Variants in LARGE1 observed in about 807,000 individuals in gnomAD.
LARGE1 encodes xylosyl- and glucuronyltransferase LARGE1.
Under a neutral mutation model 87.6 loss-of-function variants are expected in LARGE1, and 43 were observed. The observed-to-expected ratio is 0.49, with a 90% CI of 0.38 to 0.63. The LOEUF is 0.63. Among genes scored for constraint, LARGE1 ranks in the 30% least tolerant of loss-of-function variants. The pLI is 0.00. For synonymous variants in LARGE1, 434 were observed against 394.6 expected, an observed-to-expected ratio of 1.10 and a Z score of -1.18; for missense variants, 802 against 1,000.2, an observed-to-expected ratio of 0.80 and a Z score of 2.67.
the LARGE1 span, among the ~76,000 whole-genome samples, chr22:33,130,523 A>T: frequency 6.6e-6 from 1 of 151,796 alleles, no homozygotes; most frequent in African/African-American, 2.4e-5. Flanking sequence ...TTCTAAGTCC[A>T]CTTGCTAAGA....
At chr22:33,631,722 A>G (rs547909715) in intron 3 of LARGE1, among the ~76,000 whole-genome samples, 16 of 152,392 alleles carry the variant, frequency 1.0e-4, no homozygotes, top group Admixed American at 5.2e-4. Context: ...AAATAATGAT[A>G]GTATGATAAA....
chr22:33,625,848 C>A (rs1265755553), intron 4 of LARGE1, among the ~76,000 whole-genome samples: 1 of 152,130 alleles, frequency 6.6e-6, no homozygotes, highest in African/African-American at 2.4e-5. Context: ...CAGTCATATT[C>A]TCAGGTACCA....
intron 3 of LARGE1, among the ~76,000 whole-genome samples, chr22:33,631,249 C>A (rs1602840706): frequency 6.6e-6 from 1 of 152,024 alleles, no homozygotes; most frequent in South Asian, 2.1e-4. Context: ...AACACGACAG[C>A]CTCGAAGTCC....
At chr22:33,111,029 C>T in the LARGE1 span, among the ~76,000 whole-genome samples, 3 of 152,102 alleles carry the variant, frequency 2.0e-5, no homozygotes, top group Non-Finnish European at 4.4e-5. Context: ...TTAAAGAATG[C>T]CAAACTGGGT....
chr22:33,524,863 C>T (rs2148529624), intron 6 of LARGE1, among the ~76,000 whole-genome samples: 1 of 152,190 alleles, frequency 6.6e-6, no homozygotes, highest in East Asian at 1.9e-4. Flanking sequence ...TCCTTTCTGT[C>T]CCATGTTTAT....
the LARGE1 span, chr22:33,105,501 A>C: frequency 6.6e-6 from 1 of 152,184 alleles, no homozygotes; most frequent in Admixed American, 6.5e-5. Flanking sequence ...GAATTTCTAC[A>C]GTAGCTGAAA....
intron 6 of LARGE1, among the ~76,000 whole-genome samples, chr22:33,486,291 C>G (rs1019758495): frequency 6.6e-6 from 1 of 152,224 alleles, no homozygotes; most frequent in African/African-American, 2.4e-5. Flanking sequence ...ACAGAGAAGA[C>G]AGCATGAAGT....
At chr22:33,175,787 A>C (rs1602047785) in intron 11 of LARGE1, among the ~76,000 whole-genome samples, 2 of 152,362 alleles carry the variant, frequency 1.3e-5, no homozygotes, top group East Asian at 1.9e-4. Flanking sequence ...CTTTTTTCAC[A>C]GAATTGGAAA....
At chr22:33,145,952 A>C in the LARGE1 span, among the ~76,000 whole-genome samples, 64,084 of 151,944 alleles carry the variant, frequency 0.42, 13,970 homozygotes, top group South Asian at 0.68. Context: ...ACCTCACAAT[A>C]AAACAGGGAG....
In LARGE1 at chr22:33,432,141, A is replaced by G. The variant is rs949485265; in HGVS notation, c.892+20T>C. On this transcript the variant is annotated intron_variant, in intron 7 of 14. Transcript: ENST00000397394. ...CATATCACCTTCTGCAACTCTTCCC[A>G]TACCACCCTGAGGATTTACCTGTGT... 1 of 1,595,200 alleles carries G rather than the reference A, an allele frequency of 6.3e-7. No individual in the cohort carries two copies. The highest frequency in any genetic ancestry group is 2.2e-5 in the East Asian group (1 of 44,754).
intron 1 of LARGE1, among the ~76,000 whole-genome samples, chr22:33,906,062 G>A (rs972214442): frequency 4.6e-5 from 7 of 152,150 alleles, no homozygotes; most frequent in South Asian, 2.1e-4. Context: ...CCTGGGAGGC[G>A]GAGGTTGCAG....
At position 33,698,312 on chromosome 22, in the gene LARGE1, G is replaced by C. The variant is rs897698076; in HGVS notation, c.107-47644C>G. On this transcript the variant is annotated intron_variant, in intron 2 of 14. Transcript: ENST00000397394. ...TGGTCTTGAACTCCTAGCCTCAAGC[G>C]ATCTGCCCGCCTTAGCCTCACTCAG... Among the ~76,000 whole-genome samples the C allele has an allele frequency of 2.0e-5, 3 of 146,786 alleles. No homozygotes were observed. The Admixed American group carries it at 2.1e-4, about 10-fold the overall frequency.
chr22:33,632,511 G>C (rs747710296), intron 3 of LARGE1, among the ~76,000 whole-genome samples: 1 of 151,318 alleles, frequency 6.6e-6, no homozygotes, highest in Non-Finnish European at 1.5e-5. Context: ...ACCAGTGGGG[G>C]TCTCAGAGGT....
rs532732734 is a variant in LARGE1 at position 33,575,208 on chromosome 22, A to G, written c.616-10189T>C. Among the ~76,000 whole-genome samples, 13 of 152,332 alleles carry G rather than the reference A, an allele frequency of 8.5e-5. No individual in the cohort carries two copies. The South Asian group carries it at 2.1e-3, about 24-fold the overall frequency. On this transcript the variant is annotated intron_variant, in intron 5 of 14. Coordinates refer to ENST00000397394, the MANE Select transcript of LARGE1 (RefSeq NM_133642.5). Reference sequence around the variant, plus strand: ...TATTTCTCAAGGTCTTCTTGGCTGAATCATTTACACTGGATCAACAACCAA... The same window carrying G: ...TATTTCTCAAGGTCTTCTTGGCTGAGTCATTTACACTGGATCAACAACCAA...
chr22:33,816,219 T>C (rs1029435113), intron 1 of LARGE1, among the ~76,000 whole-genome samples: 1 of 152,220 alleles, frequency 6.6e-6, no homozygotes, highest in Non-Finnish European at 1.5e-5. Context: ...TGGATTTTCA[T>C]GCTTGGTTTC....
At chr22:33,467,589 A>T (rs945156946) in intron 6 of LARGE1, among the ~76,000 whole-genome samples, 1 of 152,224 alleles carries the variant, frequency 6.6e-6, no homozygotes, top group Non-Finnish European at 1.5e-5. Context: ...CATCCTTTGG[A>T]ATAGAGCATC....
chr22:33,732,827 G>A (rs1052048896), intron 2 of LARGE1: 3 of 152,084 alleles, frequency 2.0e-5, no homozygotes, highest in Non-Finnish European at 4.4e-5. Flanking sequence ...CGTTCACCTC[G>A]GCCCTTTTCC....
At chr22:33,267,929 G>C (rs368076374), downstream of LARGE1, among the ~76,000 whole-genome samples, 14 of 151,034 alleles carry the variant, frequency 9.3e-5, 1 homozygote, top group South Asian at 1.2e-3. Context: ...GCTAGATTAT[G>C]TGGACCCATA....
At chr22:33,857,031 A>G (rs2063775526) in intron 1 of LARGE1, among the ~76,000 whole-genome samples, 1 of 152,128 alleles carries the variant, frequency 6.6e-6, no homozygotes, top group Non-Finnish European at 1.5e-5. Context: ...TCTGGATTCA[A>G]GTGATTCTTG....
Sources: gnomAD v4.1 joint callset for allele counts (sites outside exome capture counted in the v4.1 genomes callset) on GRCh38, gnomAD v4.1.1 for gene constraint, MANE v1.5 for transcripts, NCBI Gene and HGNC (gene_info 2026-07-23, HGNC 2026-07-21) for gene names.